Variants in SCFD2 observed in about 807,000 individuals in gnomAD.
The protein encoded by SCFD2 is sec1 family domain-containing protein 2.
A neutral mutation model predicts 58.9 loss-of-function variants in SCFD2; 54 were observed. That is an observed-to-expected ratio of 0.92 (90% CI 0.74 to 1.15). The LOEUF (loss-of-function observed/expected upper bound fraction) is 1.15, where lower values mean the gene tolerates loss of function less well. Among genes scored for constraint, SCFD2 ranks in the 50% most tolerant of loss-of-function variants. The pLI is 0.00. For missense variants in SCFD2, 805 were observed against 836.6 expected (o/e 0.96, Z 0.47); for synonymous variants, 321 against 335.9 (o/e 0.96, Z 0.49).
At chr4:53,168,936 T>C (rs948862145) in intron 4 of SCFD2, among the ~76,000 whole-genome samples, 6 of 152,204 alleles carry the variant, frequency 3.9e-5, no homozygotes, top group African/African-American at 1.4e-4. Flanking sequence ...ACCATTCTAC[T>C]CTCTGCTTTT....
intron 2 of SCFD2, among the ~76,000 whole-genome samples, chr4:53,347,456 T>C (rs933963259): frequency 6.6e-6 from 1 of 152,084 alleles, no homozygotes; most frequent in African/African-American, 2.4e-5. Context: ...CATAGCTCTC[T>C]AGTAGAGGAA....
intron 2 of SCFD2, among the ~76,000 whole-genome samples, chr4:53,345,918 C>T (rs914835472): frequency 4.0e-5 from 6 of 151,470 alleles, no homozygotes; most frequent in Non-Finnish European, 7.4e-5. Context: ...GGACACAGGG[C>T]GGGGAACATC....
chr4:53,046,265 G>A (rs1212889779), intron 5 of SCFD2, among the ~76,000 whole-genome samples: 1 of 152,062 alleles, frequency 6.6e-6, no homozygotes, highest in East Asian at 1.9e-4. Context: ...CTGTCACTCA[G>A]GCTACAGTGC....
At chr4:52,978,839 A>T (rs964436226) in intron 5 of SCFD2, among the ~76,000 whole-genome samples, 7 of 152,122 alleles carry the variant, frequency 4.6e-5, no homozygotes, top group African/African-American at 1.7e-4. Context: ...GGCATATTTG[A>T]TAAGTATCAC....
At chr4:53,332,963 C>T (rs960075852) in intron 2 of SCFD2, among the ~76,000 whole-genome samples, 4 of 151,392 alleles carry the variant, frequency 2.6e-5, no homozygotes, top group Middle Eastern at 3.4e-3. Flanking sequence ...AACAGACAAA[C>T]AGAGAGCCAA....
At chr4:53,110,370 A>G (rs1725134930) in intron 5 of SCFD2, among the ~76,000 whole-genome samples, 1 of 152,222 alleles carries the variant, frequency 6.6e-6, no homozygotes, top group Non-Finnish European at 1.5e-5. Context: ...AGCAATGGGA[A>G]CAAAAGCCAA....
intron 8 of SCFD2, among the ~76,000 whole-genome samples, chr4:52,880,583 C>T (rs990093597): frequency 6.7e-6 from 1 of 149,316 alleles, no homozygotes; most frequent in African/African-American, 2.5e-5. Context: ...TGCCACTGCC[C>T]TCCGGCCTGG....
intron 4 of SCFD2, among the ~76,000 whole-genome samples, chr4:53,247,831 G>C (rs546046864): frequency 1.8e-5 from 2 of 112,580 alleles, no homozygotes; most frequent in Non-Finnish European, 3.4e-5. Context: ...ACTGCAGTCC[G>C]CAGTCCAGCC....
intron 5 of SCFD2, among the ~76,000 whole-genome samples, chr4:52,941,989 G>A (rs1351690468): frequency 6.6e-6 from 1 of 152,126 alleles, no homozygotes; most frequent in East Asian, 1.9e-4. Context: ...TCAGATTTTG[G>A]AGCATATTGA....
intron 2 of SCFD2, among the ~76,000 whole-genome samples, chr4:53,318,459 T>C (rs1449834668): frequency 1.3e-5 from 2 of 152,188 alleles, no homozygotes; most frequent in Non-Finnish European, 2.9e-5. Context: ...ATTAATCATC[T>C]TTATATCTTC....
At chr4:53,296,484 T>C (rs769934702) in intron 3 of SCFD2, among the ~76,000 whole-genome samples, 1 of 152,190 alleles carries the variant, frequency 6.6e-6, no homozygotes. Context: ...GGTGGTGATA[T>C]ATCCTTTATC....
At chr4:53,331,042 C>G (rs376309528) in intron 2 of SCFD2, among the ~76,000 whole-genome samples, 2 of 151,498 alleles carry the variant, frequency 1.3e-5, no homozygotes, top group African/African-American at 2.4e-5. Context: ...ACAAGAAGAG[C>G]TAACTATCCT....
intron 2 of SCFD2, among the ~76,000 whole-genome samples, chr4:53,342,756 G>A (rs372846560): frequency 1.3e-5 from 2 of 152,100 alleles, no homozygotes; most frequent in African/African-American, 4.8e-5. Context: ...ATAACAAACT[G>A]TCTCTCAGAC....
rs945456308 is a variant in SCFD2 at position 52,899,719 on chromosome 4, C to T, written c.1842+7738G>A. On this transcript the variant is annotated intron_variant, in intron 7 of 8. Transcript: ENST00000401642. ...CCTGCCTTGCTAGATTGGGGAAGTT[C>T]TCCTGGATAATATCCTGCAGAGTGT... 3.9e-5 allele frequency among the ~76,000 whole-genome samples: 6 copies of T among 152,196 alleles called. No homozygotes were observed. The South Asian group carries it at 1.2e-3, about 31-fold the overall frequency.
intron 4 of SCFD2, among the ~76,000 whole-genome samples, chr4:53,226,340 G>C (rs1252277784): frequency 1.3e-5 from 2 of 151,882 alleles, no homozygotes; most frequent in Non-Finnish European, 2.9e-5. Flanking sequence ...TAAAATGTAA[G>C]GACCAAAACC....
At position 53,311,864 on chromosome 4, in the gene SCFD2, G is replaced by T. The variant is rs565498636; in HGVS notation, c.1135+1772C>A. 8.1e-4 allele frequency among the ~76,000 whole-genome samples: 124 copies of T among 152,170 alleles called. 2 individuals carry two copies. In the South Asian group the frequency reaches 0.019, roughly 23 times the overall value. On this transcript the variant is annotated intron_variant, in intron 3 of 8. Coordinates refer to ENST00000401642, the MANE Select transcript of SCFD2 (RefSeq NM_152540.4). Reference sequence around the variant, plus strand: ...TTGGCCAGGAGGGTCTCAGTCTCTTGATCTCGTGATCCGCCTGCCTCGGCC... The same window carrying T: ...TTGGCCAGGAGGGTCTCAGTCTCTTTATCTCGTGATCCGCCTGCCTCGGCC...
At chr4:52,972,236 G>C (rs1210856259) in intron 5 of SCFD2, among the ~76,000 whole-genome samples, 1 of 152,186 alleles carries the variant, frequency 6.6e-6, no homozygotes, top group Non-Finnish European at 1.5e-5. Context: ...CGGATAAAGA[G>C]TCAAGACCCA....
intron 2 of SCFD2, among the ~76,000 whole-genome samples, chr4:53,327,018 A>C (rs1322762439): frequency 1.3e-5 from 2 of 151,708 alleles, no homozygotes; most frequent in Non-Finnish European, 1.5e-5. Context: ...AAAAAAAACA[A>C]CAACAAAAAA....
intron 4 of SCFD2, among the ~76,000 whole-genome samples, chr4:53,258,103 G>C (rs935714565): frequency 6.6e-6 from 1 of 152,072 alleles, no homozygotes; most frequent in African/African-American, 2.4e-5. Context: ...ACTTGTTCTC[G>C]CTCCATATCC....
Sources: gnomAD v4.1 joint callset for allele counts (sites outside exome capture counted in the v4.1 genomes callset) on GRCh38, gnomAD v4.1.1 for gene constraint, MANE v1.5 for transcripts, NCBI Gene and HGNC (gene_info 2026-07-23, HGNC 2026-07-21) for gene names.